Variants in PRKAR1B observed in about 807,000 individuals in gnomAD.
PRKAR1B encodes the protein protein kinase cAMP-dependent type I regulatory subunit beta, also known as cAMP-dependent protein kinase type I-beta regulatory subunit.
In PRKAR1B, 22 loss-of-function variants were observed where a neutral mutation model predicts 46.5. The observed-to-expected ratio is 0.47, with a 90% CI of 0.34 to 0.68. The LOEUF is 0.68. PRKAR1B is among the 30% of genes least tolerant of loss of function. PRKAR1B has a pLI of 0.01. For synonymous variants in PRKAR1B, 259 were observed against 217.7 expected, an observed-to-expected ratio of 1.19 and a Z score of -1.67; for missense variants, 445 against 535.6, an observed-to-expected ratio of 0.83 and a Z score of 1.67.
At chr7:610,580 C>G (rs1435225036) in intron 4 of PRKAR1B, among the ~76,000 whole-genome samples, 3 of 152,180 alleles carry the variant, frequency 2.0e-5, no homozygotes, top group African/African-American at 7.2e-5. Flanking sequence ...CGAATGTCAC[C>G]AGCTCATCGC....
chr7:726,672 G>T (rs991278903), intron 1 of PRKAR1B: 1 of 1,203,970 alleles, frequency 8.3e-7, no homozygotes, highest in African/African-American at 1.6e-5. Flanking sequence ...AATCTGCGCT[G>T]AGAGTCGCGA....
chr7:673,387 C>T (rs539328770), intron 4 of PRKAR1B, among the ~76,000 whole-genome samples: 1 of 152,186 alleles, frequency 6.6e-6, no homozygotes, highest in Admixed American at 6.5e-5. Flanking sequence ...CGGTGGCTCA[C>T]GCCTGTAATC....
At chr7:649,154 ACTCC>A (rs1784767158) in intron 4 of PRKAR1B, among the ~76,000 whole-genome samples, 4 of 152,150 alleles carry the variant, frequency 2.6e-5, no homozygotes, top group Non-Finnish European at 5.9e-5. Context: ...ACAGAGTGAG[ACTCC>A]GTCTCAAAAT....
chr7:634,054 G>C (rs1337447793), intron 4 of PRKAR1B, among the ~76,000 whole-genome samples: 1 of 152,090 alleles, frequency 6.6e-6, no homozygotes, highest in Non-Finnish European at 1.5e-5. Flanking sequence ...AGGGAGTCTA[G>C]TTCTGCCTCC....
intron 2 of PRKAR1B, among the ~76,000 whole-genome samples, chr7:694,448 AAGAGACTAGCCTGGAGTC>A (rs1472253540): frequency 6.6e-6 from 1 of 152,078 alleles, no homozygotes; most frequent in Non-Finnish European, 1.5e-5. Context: ...GCCAACCCCA[AAGAGACTAGCCTGGAGTC>A]AGAGTAGCTT....
rs544533842 is a variant in PRKAR1B at position 645,124 on chromosome 7, G to A, written c.440+32105C>T. ...CACATCCTCCCCTCACACCCCTCGCGGAGGCCAGAGAGGGCAGCACCCACC... is the reference window on the plus strand; with the variant it reads ...CACATCCTCCCCTCACACCCCTCGCAGAGGCCAGAGAGGGCAGCACCCACC... On this transcript the variant is annotated intron_variant, in intron 4 of 10. Transcript: ENST00000537384. Among the ~76,000 whole-genome samples the A allele has an allele frequency of 3.0e-3, 460 of 152,232 alleles. 2 individuals carry two copies. The highest frequency in any genetic ancestry group is 5.1e-3 in the Non-Finnish European group (344 of 68,018).
chr7:605,348 G>A (rs1412042532), intron 6 of PRKAR1B, among the ~76,000 whole-genome samples: 2 of 152,218 alleles, frequency 1.3e-5, no homozygotes, highest in Non-Finnish European at 2.9e-5. Context: ...AGGCTGCCGT[G>A]CGGGGGGCGG....
chr7:569,452 C>G (rs560796767), intron 9 of PRKAR1B, among the ~76,000 whole-genome samples: 1 of 152,258 alleles, frequency 6.6e-6, no homozygotes, highest in Admixed American at 6.5e-5. Flanking sequence ...AGCTGCTGGG[C>G]CGAACGTCCA....
upstream of PRKAR1B, among the ~76,000 whole-genome samples, chr7:728,929 C>A (rs141888113): frequency 1.3e-5 from 2 of 151,640 alleles, no homozygotes; most frequent in South Asian, 4.2e-4. Flanking sequence ...GTTTCCCAGA[C>A]GGGCCCCAAG....
At chr7:650,436 C>A (rs1784844726) in intron 4 of PRKAR1B, among the ~76,000 whole-genome samples, 1 of 152,170 alleles carries the variant, frequency 6.6e-6, no homozygotes. Context: ...CTTTCCAGCC[C>A]TCCAGCCTTC....
intron 4 of PRKAR1B, among the ~76,000 whole-genome samples, chr7:625,880 C>T (rs1380635169): frequency 6.6e-6 from 1 of 151,856 alleles, no homozygotes; most frequent in Non-Finnish European, 1.5e-5. Context: ...TGGTGGCAGG[C>T]ACCTGTAATC....
intron 10 of PRKAR1B, among the ~76,000 whole-genome samples, chr7:551,004 C>T (rs1456250107): frequency 6.6e-6 from 1 of 151,332 alleles, no homozygotes; most frequent in Non-Finnish European, 1.5e-5. Flanking sequence ...GACCCAGACC[C>T]CCAGCTGCAG....
intron 7 of PRKAR1B, among the ~76,000 whole-genome samples, chr7:586,162 C>G (rs763636646): frequency 1.3e-5 from 2 of 152,176 alleles, no homozygotes; most frequent in Admixed American, 6.5e-5. Flanking sequence ...CACACCCACC[C>G]TAGACAGACT....
At chr7:726,418 C>A (rs972341300) in intron 1 of PRKAR1B, among the ~76,000 whole-genome samples, 1 of 152,172 alleles carries the variant, frequency 6.6e-6, no homozygotes, top group Non-Finnish European at 1.5e-5. Context: ...GCAGGGCAGG[C>A]TTCCCTAGGG....
intron 7 of PRKAR1B, 63 bp from the exon 8 acceptor site, chr7:584,631 G>T: frequency 7.1e-7 from 1 of 1,399,108 alleles, no homozygotes; most frequent in Non-Finnish European, 1.0e-6. Context: ...TCATCCTGAC[G>T]TTTCCAGATT....
At chr7:615,779 G>C (rs1208120538) in intron 4 of PRKAR1B, among the ~76,000 whole-genome samples, 24 of 131,762 alleles carry the variant, frequency 1.8e-4, no homozygotes, top group Admixed American at 4.5e-4. Context: ...AGTGAGCCGA[G>C]ATCGCGCCAC....
chr7:673,785 A>C (rs1014371227), intron 4 of PRKAR1B, among the ~76,000 whole-genome samples: 1 of 152,218 alleles, frequency 6.6e-6, no homozygotes. Flanking sequence ...CTGAAACAAC[A>C]GAAACGTATC....
chr7:569,718 G>A (rs1583219312), intron 9 of PRKAR1B, among the ~76,000 whole-genome samples: 1 of 152,312 alleles, frequency 6.6e-6, no homozygotes. Context: ...AGGGGCACTC[G>A]CAGCCCAGGG....
intron 2 of PRKAR1B, among the ~76,000 whole-genome samples, chr7:697,555 G>A (rs1453971511): frequency 2.0e-5 from 3 of 152,104 alleles, no homozygotes; most frequent in Non-Finnish European, 2.9e-5. Context: ...TTCCATGAGC[G>A]GCCCTAAGAC....
Sources: gnomAD v4.1 joint callset for allele counts (sites outside exome capture counted in the v4.1 genomes callset) on GRCh38, gnomAD v4.1.1 for gene constraint, MANE v1.5 for transcripts, NCBI Gene and HGNC (gene_info 2026-07-23, HGNC 2026-07-21) for gene names.